The following TTC39A variants were observed in gnomAD, a reference collection of about 807,000 sequenced individuals.
TTC39A encodes tetratricopeptide repeat protein 39A.
In TTC39A, 46 loss-of-function variants were observed where a neutral mutation model predicts 82.3. The ratio of observed to expected loss-of-function variants is 0.56; its 90% confidence interval spans 0.44 to 0.71. TTC39A has a LOEUF of 0.71. Ranked by LOEUF, TTC39A falls within the 30% of genes least tolerant of loss-of-function variation. The pLI is 0.00. For missense variants in TTC39A, 543 were observed against 712.9 expected (o/e 0.76, Z 2.71); for synonymous variants, 254 against 275.2 (o/e 0.92, Z 0.76).
At chr1:51,335,971 C>A (rs997445747), upstream of TTC39A, among the ~76,000 whole-genome samples, 6 of 152,144 alleles carry the variant, frequency 3.9e-5, no homozygotes, top group Admixed American at 3.9e-4. Context: ...CTCCTTCCCC[C>A]TTCTCAGCAC....
At chr1:51,330,671 G>A, upstream of TTC39A, 1 of 960,034 alleles carries the variant, frequency 1.0e-6, no homozygotes. The surrounding 1 kb of genome is among the most constrained non-coding windows in gnomAD (Gnocchi z 4.5). Context: ...ATGGCCGCCC[G>A]CGGCGACCCG....
At chr1:51,330,628 G>C, upstream of TTC39A, 1 of 983,384 alleles carries the variant, frequency 1.0e-6, no homozygotes, top group Non-Finnish European at 1.2e-6. The surrounding 1 kb of genome is among the most constrained non-coding windows in gnomAD (Gnocchi z 4.5). Context: ...GGGCCGGGCC[G>C]AGCCTCGGTC....
At chr1:51,343,279 C>T (rs532528866) in intron 1 of TTC39A, among the ~76,000 whole-genome samples, 18 of 152,336 alleles carry the variant, frequency 1.2e-4, no homozygotes, top group African/African-American at 3.1e-4. Flanking sequence ...GCATTGAAAT[C>T]GTCTGTCCAC....
chr1:51,335,447 G>C (rs1287263725), upstream of TTC39A: 1 of 150,362 alleles, frequency 6.7e-6, no homozygotes, highest in African/African-American at 2.5e-5. Flanking sequence ...TGTAATCCCA[G>C]CTACTCAGGA....
Position 51,301,639 on chromosome 1 carries a change from T to G in TTC39A, c.986A>C (p.Tyr329Ser). The G allele has an allele frequency of 6.2e-7, 1 of 1,613,848 alleles. No individual in the cohort carries two copies. The highest frequency in any genetic ancestry group is 1.1e-5 in the South Asian group (1 of 91,038). ...CYWELMWCFT[Y>S]KGQWKMSYFY... ...GTAGGACATCTTCCACTGGCCCTTG[T>G]AGGTGAAGCACCACATCAGCTCCCA... The change falls in exon 12 of 18, where the codon TAC (tyrosine) becomes TCC (serine). Residue 329 changes from tyrosine (Y) to serine (S), a missense_variant. Physicochemically the swap from Tyr to Ser is moderately radical, Grantham distance 144. Transcript: ENST00000680483.
chr1:51,311,287 G>A lies in TTC39A; in HGVS notation c.390C>T (p.Cys130=). The part of the protein sequence containing the change: ...EIHAEVCYAE[C]LLQRAALTFL... ...AGGTCAGGGCTGCTCGCTGCAGCAG[G>A]CACTCTGCATAGCAGACCTCAGCGT... Residue 130 remains cysteine (C), a synonymous_variant, in exon 5 of 18, where the codon TGC becomes TGT. Coordinates refer to ENST00000680483, the MANE Select transcript of TTC39A (RefSeq NM_001297663.2). The A allele has an allele frequency of 6.3e-7, 1 of 1,587,058 alleles. No homozygotes were observed.
chr1:51,344,677 C>T (rs1294651160), intron 1 of TTC39A, among the ~76,000 whole-genome samples: 1 of 152,256 alleles, frequency 6.6e-6, no homozygotes, highest in East Asian at 1.9e-4. Context: ...CTGCCCAAAC[C>T]TGACCGCCAG....
chr1:51,306,118 G>A, intron 6 of TTC39A, 42 bp from the exon 7 acceptor site: 1 of 1,562,056 alleles, frequency 6.4e-7, no homozygotes, highest in Non-Finnish European at 8.8e-7. Context: ...ACTGCTGGGG[G>A]TGGGGGGTAG....
intron 6 of TTC39A, among the ~76,000 whole-genome samples, chr1:51,308,879 T>TG (rs1317532979): frequency 1.3e-5 from 2 of 152,192 alleles, no homozygotes; most frequent in African/African-American, 4.8e-5. Flanking sequence ...GAGGGCTTCA[T>TG]GGGGAAAGTG....
chr1:51,317,551 C>T (rs896932896), intron 2 of TTC39A, among the ~76,000 whole-genome samples: 1 of 152,190 alleles, frequency 6.6e-6, no homozygotes, highest in Non-Finnish European at 1.5e-5. Context: ...GAGTTGGAGG[C>T]CAGCCTGGCC....
upstream of TTC39A, among the ~76,000 whole-genome samples, chr1:51,333,888 T>C (rs531264515): frequency 3.3e-5 from 5 of 152,322 alleles, no homozygotes; most frequent in African/African-American, 1.2e-4. Flanking sequence ...TCTGAGGTTA[T>C]TATTATAACA....
chr1:51,327,553 T>A (rs1295414471), intron 1 of TTC39A, among the ~76,000 whole-genome samples: 4 of 152,172 alleles, frequency 2.6e-5, no homozygotes, highest in Non-Finnish European at 5.9e-5. Flanking sequence ...ATACCCTCTA[T>A]GAGCCTCCGT....
intron 16 of TTC39A, 83 bp from the exon 17 acceptor site, chr1:51,289,038 A>G: frequency 7.5e-7 from 1 of 1,330,116 alleles, no homozygotes; most frequent in Non-Finnish European, 1.0e-6. Context: ...CCCGAACTCC[A>G]ATTTTGGGAG....
At chr1:51,323,700 A>G (rs1475479297) in intron 1 of TTC39A, among the ~76,000 whole-genome samples, 3 of 152,130 alleles carry the variant, frequency 2.0e-5, no homozygotes, top group African/African-American at 7.2e-5. Flanking sequence ...TTCAATGATT[A>G]TATTTTTCAT....
In TTC39A at chr1:51,330,266, C is replaced by T; in HGVS notation, c.41+171G>A. On this transcript the variant is annotated intron_variant, in intron 1 of 17. Transcript: ENST00000680483. This position sits in a 1 kb window ranked among gnomAD's most constrained non-coding sequence, Gnocchi z 4.5. ...CCTCCGCCTCCTCACAGCCCCCTGC[C>T]CCCACTCCTGGCAGCGGCGGCGGCT... 3.1e-6 allele frequency: 3 copies of T among 965,484 alleles called. No individual in the cohort carries two copies. Among genetic ancestry groups the T allele is most frequent in the South Asian group, 9.6e-5 (2 of 20,896 alleles). The allele number at this position is 965,484 out of a possible 1,614,324, so 59.8% of individuals were successfully genotyped here.
intron 2 of TTC39A, among the ~76,000 whole-genome samples, chr1:51,316,802 C>G (rs919879641): frequency 6.6e-6 from 1 of 152,218 alleles, no homozygotes; most frequent in African/African-American, 2.4e-5. Context: ...CTTTCCACCT[C>G]CTTCACTCCT....
rs909277274 is a variant in TTC39A at position 51,342,955 on chromosome 1, C to A, written c.53+2036G>T. 7 of 433,358 alleles carry A rather than the reference C, an allele frequency of 1.6e-5. No homozygotes were observed. The Admixed American group carries it at 1.7e-4, about 10-fold the overall frequency. The allele number at this position is 433,358 out of a possible 1,614,324, so 26.8% of individuals were successfully genotyped here. ...AGCATCTCTCTCCTGGACCACCACG[C>A]CAGCCTCCCCTCTGCTCTCCCTGCA... On this transcript the variant is annotated intron_variant, in intron 1 of 5. Coordinates refer to the TTC39A transcript ENST00000401051.
Position 51,321,291 on chromosome 1 carries a change from G to T in TTC39A, c.146+430C>A, listed in dbSNP as rs1431248552. ...GAAAAAGGAGTATACGCCCATTATT[G>T]ATTTGTATTTACAGAAACATGGCAG... On this transcript the variant is annotated intron_variant, in intron 2 of 17. Transcript: ENST00000680483. The surrounding 1 kb of genome is among the most constrained non-coding windows in gnomAD (Gnocchi z 4.6). 1.3e-5 allele frequency among the ~76,000 whole-genome samples: 2 copies of T among 152,240 alleles called. No homozygotes were observed. The highest frequency in any genetic ancestry group is 2.9e-5 in the Non-Finnish European group (2 of 68,042).
intron 14 of TTC39A, among the ~76,000 whole-genome samples, chr1:51,292,609 T>C (rs1446776153): frequency 6.6e-6 from 1 of 152,100 alleles, no homozygotes; most frequent in Non-Finnish European, 1.5e-5. Flanking sequence ...TTTTGAATTT[T>C]TTGTAAAGAT....
Sources: allele counts gnomAD v4.1 joint callset (sites outside exome capture counted in the v4.1 genomes callset), GRCh38; gene constraint gnomAD v4.1.1; non-coding constraint Gnocchi (gnomAD v3.1); transcripts MANE v1.5; gene names NCBI Gene and HGNC (gene_info 2026-07-23, HGNC 2026-07-21).